The following KCNIP1 variants were observed in gnomAD, a reference collection of about 807,000 sequenced individuals.
KCNIP1 encodes the protein potassium voltage-gated channel interacting protein 1.
In KCNIP1, 18 loss-of-function variants were observed where a neutral mutation model predicts 33.0. The observed-to-expected ratio is 0.55, with a 90% CI of 0.38 to 0.81. The LOEUF is 0.81. KCNIP1 is among the 30% of genes least tolerant of loss of function. The pLI is 0.00. For missense variants in KCNIP1, 238 were observed against 271.6 expected, an observed-to-expected ratio of 0.88 and a Z score of 0.87; for synonymous variants, 93 against 98.3, an observed-to-expected ratio of 0.95 and a Z score of 0.32.
intron 1 of KCNIP1, chr5:170,389,557 A>T (rs1764629035): frequency 6.6e-6 from 1 of 152,218 alleles, no homozygotes; most frequent in Non-Finnish European, 1.5e-5. Context: ...AACAGATTTC[A>T]AACAACAACA....
intron 1 of KCNIP1, among the ~76,000 whole-genome samples, chr5:170,406,316 G>A (rs1755037629): frequency 6.6e-6 from 1 of 152,192 alleles, no homozygotes; most frequent in Non-Finnish European, 1.5e-5. Flanking sequence ...GAGTAAGCTG[G>A]AGAGCTTGTG....
chr5:170,492,551 G>A (rs1757228228), intron 1 of KCNIP1, among the ~76,000 whole-genome samples: 1 of 152,172 alleles, frequency 6.6e-6, no homozygotes, highest in Non-Finnish European at 1.5e-5. Context: ...CTTCTCTCCA[G>A]AAGTTGGGGA....
At chr5:170,509,384 C>G (rs1465092333) in intron 1 of KCNIP1, among the ~76,000 whole-genome samples, 2 of 151,580 alleles carry the variant, frequency 1.3e-5, no homozygotes, top group Non-Finnish European at 2.9e-5. Flanking sequence ...GAATGGAAGA[C>G]AGAGGAGAAG....
At chr5:170,564,705 A>G (rs971704835) in intron 1 of KCNIP1, among the ~76,000 whole-genome samples, 1 of 151,976 alleles carries the variant, frequency 6.6e-6, no homozygotes, top group Non-Finnish European at 1.5e-5. Context: ...TCCATCCTTC[A>G]CCCAGAAGCC....
At chr5:170,541,510 G>A (rs1269912933) in intron 1 of KCNIP1, among the ~76,000 whole-genome samples, 1 of 152,206 alleles carries the variant, frequency 6.6e-6, no homozygotes, top group African/African-American at 2.4e-5. Flanking sequence ...CCCCAGAAAT[G>A]TGGGCTGGGC....
intron 1 of KCNIP1, among the ~76,000 whole-genome samples, chr5:170,660,926 A>G (rs1761458388): frequency 6.6e-6 from 1 of 152,244 alleles, no homozygotes; most frequent in Non-Finnish European, 1.5e-5. Context: ...TTTGGGATAT[A>G]TCTTAGAGAT....
chr5:170,654,554 G>A (rs998509259), intron 1 of KCNIP1, among the ~76,000 whole-genome samples: 1 of 152,202 alleles, frequency 6.6e-6, no homozygotes, highest in African/African-American at 2.4e-5. Context: ...TGTATTTAAT[G>A]AGGGTAAAAG....
chr5:170,606,878 A>G (rs1210413000), intron 1 of KCNIP1, among the ~76,000 whole-genome samples: 1 of 152,088 alleles, frequency 6.6e-6, no homozygotes, highest in Non-Finnish European at 1.5e-5. Flanking sequence ...CCGAAGCACT[A>G]CTTTGTCCAA....
intron 1 of KCNIP1, among the ~76,000 whole-genome samples, chr5:170,364,341 C>A (rs1763597727): frequency 6.6e-6 from 1 of 152,184 alleles, no homozygotes; most frequent in African/African-American, 2.4e-5. Flanking sequence ...CCTGTAACAG[C>A]CTGTGTCAGA....
At chr5:170,564,093 G>C (rs1757128368) in intron 1 of KCNIP1, among the ~76,000 whole-genome samples, 1 of 152,098 alleles carries the variant, frequency 6.6e-6, no homozygotes, top group East Asian at 1.9e-4. Context: ...TTACGAACCA[G>C]CTATGCAATA....
At chr5:170,408,797 A>C (rs1755104998) in intron 1 of KCNIP1, among the ~76,000 whole-genome samples, 1 of 152,204 alleles carries the variant, frequency 6.6e-6, no homozygotes, top group Non-Finnish European at 1.5e-5. Context: ...AAGAAAAAAG[A>C]ATGCACAGAA....
chr5:170,596,647 A>G (rs1314192804), intron 1 of KCNIP1, among the ~76,000 whole-genome samples: 1 of 152,260 alleles, frequency 6.6e-6, no homozygotes, highest in Non-Finnish European at 1.5e-5. Context: ...TGCCTCGGCC[A>G]TCTGTGAACA....
At chr5:170,428,517 A>G (rs1755663466) in intron 1 of KCNIP1, among the ~76,000 whole-genome samples, 1 of 151,912 alleles carries the variant, frequency 6.6e-6, no homozygotes, top group South Asian at 2.1e-4. Flanking sequence ...AAGCCTTGAT[A>G]TTTATCATCT....
chr5:170,712,757 TG>T, intron 1 of KCNIP1: 1 of 1,138,600 alleles, frequency 8.8e-7, no homozygotes, highest in Non-Finnish European at 1.3e-6. Flanking sequence ...CTGGACGACG[TG>T]GACACCCTCA....
intron 1 of KCNIP1, among the ~76,000 whole-genome samples, chr5:170,596,844 G>A (rs563881891): frequency 2.6e-5 from 4 of 152,238 alleles, no homozygotes; most frequent in Non-Finnish European, 5.9e-5. Flanking sequence ...CATGGGACTG[G>A]AAGCAGATGT....
At chr5:170,521,303 A>T (rs1043458051) in intron 1 of KCNIP1, among the ~76,000 whole-genome samples, 2 of 152,208 alleles carry the variant, frequency 1.3e-5, no homozygotes. Flanking sequence ...CATAGTTGAC[A>T]TGGAAGATAG....
intron 1 of KCNIP1, among the ~76,000 whole-genome samples, chr5:170,472,833 G>C (rs912997270): frequency 6.6e-6 from 1 of 152,174 alleles, no homozygotes. Flanking sequence ...CTCGTTGATT[G>C]ATGGACATTT....
At chr5:170,512,270 A>G (rs907175502) in intron 1 of KCNIP1, among the ~76,000 whole-genome samples, 4 of 152,240 alleles carry the variant, frequency 2.6e-5, no homozygotes, top group Middle Eastern at 3.2e-3. Context: ...AGGGACCAGG[A>G]TCAGAGTTTT....
chr5:170,361,642 C>G (rs1382299586), intron 1 of KCNIP1, among the ~76,000 whole-genome samples: 1 of 152,190 alleles, frequency 6.6e-6, no homozygotes, highest in South Asian at 2.1e-4. Flanking sequence ...TTATCAACAA[C>G]AGAAATGTAT....
Sources: allele counts gnomAD v4.1 joint callset (sites outside exome capture counted in the v4.1 genomes callset), GRCh38; gene constraint gnomAD v4.1.1; transcripts MANE v1.5; gene names NCBI Gene and HGNC (gene_info 2026-07-23, HGNC 2026-07-21).